The following SLC6A11 variants were observed in gnomAD, a reference collection of about 807,000 sequenced individuals.
The protein encoded by SLC6A11 is sodium- and chloride-dependent GABA transporter 3.
In SLC6A11, 25 loss-of-function variants were observed where a neutral mutation model predicts 74.8. The observed-to-expected ratio is 0.33, with a 90% CI of 0.24 to 0.47. The LOEUF (loss-of-function observed/expected upper bound fraction) is 0.47, where lower values mean the gene tolerates loss of function less well. SLC6A11 is among the 20% of genes least tolerant of loss of function. The pLI is 1.00. For synonymous variants in SLC6A11, 330 were observed against 330.2 expected (o/e 1.00, Z 0.01); for missense variants, 574 against 837.0 (o/e 0.69, Z 3.88).
chr3:10,853,582 A>C (rs764179533), intron 5 of SLC6A11, among the ~76,000 whole-genome samples: 1 of 152,130 alleles, frequency 6.6e-6, no homozygotes, highest in East Asian at 1.9e-4. Flanking sequence ...GGGACAGGCC[A>C]TCAGAAGGGG....
At chr3:10,899,831 A>G (rs1695216134) in intron 6 of SLC6A11, among the ~76,000 whole-genome samples, 1 of 152,204 alleles carries the variant, frequency 6.6e-6, no homozygotes, top group South Asian at 2.1e-4. Context: ...CAGGTGTTCC[A>G]GTGTCTTCCT....
At chr3:10,924,663 G>GA (rs546267178) in intron 8 of SLC6A11, among the ~76,000 whole-genome samples, 18 of 149,018 alleles carry the variant, frequency 1.2e-4, no homozygotes, top group Admixed American at 2.0e-4. Context: ...ACAACCTAAT[G>GA]AAAAAAAAAG....
intron 7 of SLC6A11, among the ~76,000 whole-genome samples, chr3:10,917,917 G>A (rs1462712479): frequency 6.6e-6 from 1 of 152,308 alleles, no homozygotes; most frequent in African/African-American, 2.4e-5. Context: ...TGGCTGAGAA[G>A]CCCCCATTTC....
At chr3:10,825,084 A>G (rs1453313093) in intron 4 of SLC6A11, 3 of 151,576 alleles carry the variant, frequency 2.0e-5, no homozygotes, top group African/African-American at 7.3e-5. Flanking sequence ...CAGGAGGTTG[A>G]AGCAGGAGAA....
chr3:10,889,473 T>C (rs1235644716), intron 6 of SLC6A11, among the ~76,000 whole-genome samples: 1 of 152,192 alleles, frequency 6.6e-6, no homozygotes, highest in Admixed American at 6.5e-5. Context: ...TCCCTTCCCC[T>C]GAACTGATCT....
chr3:10,887,797 A>G (rs962175367), intron 6 of SLC6A11, among the ~76,000 whole-genome samples: 3 of 152,232 alleles, frequency 2.0e-5, no homozygotes, highest in African/African-American at 7.2e-5. Context: ...AAGTCTTTTC[A>G]GAAAGAAGCA....
At chr3:10,908,025 G>C (rs1471690650) in intron 6 of SLC6A11, among the ~76,000 whole-genome samples, 1 of 152,154 alleles carries the variant, frequency 6.6e-6, no homozygotes, top group Non-Finnish European at 1.5e-5. Context: ...CAGCTACTCA[G>C]GAGGCTGAGG....
chr3:10,934,311 G>T, intron 12 of SLC6A11, 145 bp downstream of exon 12: 1 of 586,666 alleles, frequency 1.7e-6, no homozygotes, highest in African/African-American at 1.8e-5. Context: ...TTACAAAGCT[G>T]CACCCATGGG....
chr3:10,851,268 C>T (rs1488051012), intron 5 of SLC6A11, among the ~76,000 whole-genome samples: 3 of 152,108 alleles, frequency 2.0e-5, no homozygotes, highest in African/African-American at 7.2e-5. Context: ...AATTCTGGTC[C>T]CTTCCCCGCC....
Position 10,918,083 on chromosome 3 carries a change from G to A in SLC6A11, c.996-246G>A, listed in dbSNP as rs1445743214. On this transcript the variant is annotated intron_variant, in intron 7 of 13. Transcript: ENST00000254488. This position sits in a 1 kb window ranked among gnomAD's most constrained non-coding sequence, Gnocchi z 4.5. ...CCCATATGCCAGCCTCCCTTCCCATGCTGGCTCTATGCTTCTGATTCGTGA... is the reference window on the plus strand; with the variant it reads ...CCCATATGCCAGCCTCCCTTCCCATACTGGCTCTATGCTTCTGATTCGTGA... Among the ~76,000 whole-genome samples, 1 of 152,140 alleles carries A rather than the reference G, an allele frequency of 6.6e-6. No individual in the cohort carries two copies. Among genetic ancestry groups the A allele is most frequent in the East Asian group, 1.9e-4 (1 of 5,180 alleles).
chr3:10,864,961 TA>T (rs1694746350), intron 5 of SLC6A11, among the ~76,000 whole-genome samples: 1 of 152,204 alleles, frequency 6.6e-6, no homozygotes, highest in Non-Finnish European at 1.5e-5. Flanking sequence ...AGAAGATCCA[TA>T]AGGATTGTCA....
intron 4 of SLC6A11, among the ~76,000 whole-genome samples, chr3:10,827,567 G>A (rs1032928923): frequency 1.3e-5 from 2 of 152,162 alleles, no homozygotes; most frequent in Non-Finnish European, 2.9e-5. Context: ...TCCAACTCCA[G>A]GGACTTCAGT....
At position 10,899,244 on chromosome 3, in the gene SLC6A11, A is replaced by G. The variant is rs1285287070; in HGVS notation, c.892-12846A>G. Among the ~76,000 whole-genome samples, 6 of 152,286 alleles carry G rather than the reference A, an allele frequency of 3.9e-5. No individual in the cohort carries two copies. The South Asian group carries it at 8.3e-4, about 21-fold the overall frequency. The stretch of plus-strand genomic sequence containing the variant: ...ACTGTGCTTGGTTCCTTCTAGCCAC[A>G]TGAGCTCATCCCAGGACTGGAGTTC... On this transcript the variant is annotated intron_variant, in intron 6 of 13. Coordinates refer to ENST00000254488, the MANE Select transcript of SLC6A11 (RefSeq NM_014229.3).
intron 5 of SLC6A11, among the ~76,000 whole-genome samples, chr3:10,866,788 C>T (rs75809138): frequency 0.04 from 6,070 of 152,314 alleles, 172 homozygotes; most frequent in Middle Eastern, 0.078. Flanking sequence ...TTTACTATTT[C>T]TGTTAGAATG....
At chr3:10,884,753 G>A (rs1370453467) in intron 6 of SLC6A11, among the ~76,000 whole-genome samples, 3 of 152,250 alleles carry the variant, frequency 2.0e-5, no homozygotes, top group East Asian at 3.9e-4. Context: ...TCCATTCAGC[G>A]CAGGAATCTT....
At chr3:10,885,727 C>T (rs573277292) in intron 6 of SLC6A11, among the ~76,000 whole-genome samples, 1 of 150,038 alleles carries the variant, frequency 6.7e-6, no homozygotes, top group African/African-American at 2.5e-5. Context: ...AGCATGAAAA[C>T]TTGGGGTTGA....
chr3:10,892,436 G>T (rs1234468658), intron 6 of SLC6A11, among the ~76,000 whole-genome samples: 1 of 152,142 alleles, frequency 6.6e-6, no homozygotes, highest in African/African-American at 2.4e-5. Context: ...AGGCACTGTT[G>T]CATGGTACGA....
intron 11 of SLC6A11, chr3:10,933,849 G>C (rs1378124141): frequency 6.8e-6 from 3 of 442,524 alleles, no homozygotes; most frequent in African/African-American, 4.0e-5. Flanking sequence ...GAGGCCAGGA[G>C]AGCTCTCTCC....
chr3:10,849,716 A>G (rs764895436), intron 5 of SLC6A11, among the ~76,000 whole-genome samples: 20 of 139,878 alleles, frequency 1.4e-4, no homozygotes, highest in Non-Finnish European at 2.9e-4. Context: ...TGTAAATTCT[A>G]TCTTAGGCCA....
Sources: allele counts gnomAD v4.1 joint callset (sites outside exome capture counted in the v4.1 genomes callset), GRCh38; gene constraint gnomAD v4.1.1; non-coding constraint Gnocchi (gnomAD v3.1); transcripts MANE v1.5; gene names NCBI Gene and HGNC (gene_info 2026-07-23, HGNC 2026-07-21).